The following PCDHA5 variants were observed in gnomAD, a reference collection of about 807,000 sequenced individuals.
PCDHA5 encodes protocadherin alpha 5, also known as protocadherin alpha-5.
In PCDHA5, 43 loss-of-function variants were observed where a neutral mutation model predicts 61.6. The observed-to-expected ratio is 0.70, with a 90% CI of 0.55 to 0.90. The LOEUF (loss-of-function observed/expected upper bound fraction) is 0.90. PCDHA5 is among the 40% of genes least tolerant of loss of function. The pLI is 0.00. For missense variants in PCDHA5, 1,298 were observed against 1,222.7 expected, an observed-to-expected ratio of 1.06 and a Z score of -0.92; for synonymous variants, 627 against 543.9, an observed-to-expected ratio of 1.15 and a Z score of -2.13.
chr5:140,875,039 A>C (rs1443862423), intron 1 of PCDHA5, among the ~76,000 whole-genome samples: 1 of 152,230 alleles, frequency 6.6e-6, no homozygotes, highest in East Asian at 1.9e-4. Flanking sequence ...TATTTGAAAG[A>C]TTTCTACTTT....
At chr5:140,830,563 TTC>T (rs1554132929) in intron 1 of PCDHA5, 10 of 991,784 alleles carry the variant, frequency 1.0e-5, no homozygotes, top group African/African-American at 1.7e-5. Context: ...TCTTCTATAT[TTC>T]TGTTTTTAAT....
intron 1 of PCDHA5, among the ~76,000 whole-genome samples, chr5:140,873,862 T>A (rs188055479): frequency 4.1e-4 from 62 of 152,308 alleles, no homozygotes; most frequent in Admixed American, 1.1e-3. Context: ...GTTTTCACCA[T>A]GTTGGCCAGG....
chr5:140,933,666 T>C (rs1334972770), intron 1 of PCDHA5, among the ~76,000 whole-genome samples: 3 of 152,046 alleles, frequency 2.0e-5, no homozygotes, highest in Non-Finnish European at 4.4e-5. Context: ...TCTCTCTCTG[T>C]CTCTCTCACA....
At chr5:140,999,858 C>G (rs1563644401) in intron 3 of PCDHA5, among the ~76,000 whole-genome samples, 3 of 152,170 alleles carry the variant, frequency 2.0e-5, no homozygotes. Context: ...CTCTTCCGCT[C>G]CAAGATTACT....
rs1554163586 is a variant in PCDHA5, at chr5:140,869,907, C to T, written c.2352+45780C>T. ...TTGTGCTCAAACTAAACGCCACAGA[C>T]CGAGACGAAGGAGTCAATGGAGAGG... is the stretch of plus-strand genomic sequence containing the variant. On this transcript the variant is annotated intron_variant, in intron 1 of 3. Transcript: ENST00000529859. 1.9e-6 allele frequency: 3 copies of T among 1,610,738 alleles called. No individual in the cohort carries two copies. The East Asian group carries it at 6.7e-5, about 36-fold the overall frequency.
intron 1 of PCDHA5, chr5:140,836,166 C>A (rs373780071): frequency 1.9e-6 from 3 of 1,613,826 alleles, no homozygotes; most frequent in South Asian, 1.1e-5. Flanking sequence ...GGCGAAGGTA[C>A]GTGCAGTTGA....
chr5:140,942,237 T>C (rs2153657846), intron 1 of PCDHA5, among the ~76,000 whole-genome samples: 1 of 152,214 alleles, frequency 6.6e-6, no homozygotes, highest in East Asian at 1.9e-4. Context: ...GCAAATAAGA[T>C]ATCCATATCA....
chr5:140,891,748 C>G (rs575198849), intron 1 of PCDHA5, among the ~76,000 whole-genome samples: 2 of 152,242 alleles, frequency 1.3e-5, no homozygotes, highest in African/African-American at 4.8e-5. Flanking sequence ...CCTTATACAA[C>G]AGTGTTGGGA....
chr5:140,871,113 G>C, intron 1 of PCDHA5: 1 of 1,613,306 alleles, frequency 6.2e-7, no homozygotes. Flanking sequence ...CGTTGGTGGA[G>C]AGCGGACAGG....
In PCDHA5 at chr5:140,848,642, G is replaced by T. The variant is rs148369101; in HGVS notation, c.2352+24515G>T. On this transcript the variant is annotated intron_variant, in intron 1 of 3. Coordinates refer to ENST00000529859, the MANE Select transcript of PCDHA5 (RefSeq NM_018908.3). ...ACGGCACCTTCGTGGGCCGCATCGC[G>T]CAGGACCTGGGGCTGGAGCTGGCGG... 1.4e-5 allele frequency: 23 copies of T among 1,593,086 alleles called. 1 individual carries two copies. Among genetic ancestry groups the T allele is most frequent in the Admixed American group, 5.1e-5 (3 of 59,214 alleles).
At chr5:140,876,328 C>A in intron 1 of PCDHA5, 1 of 1,613,940 alleles carries the variant, frequency 6.2e-7, no homozygotes, top group Non-Finnish European at 8.5e-7. Flanking sequence ...AATGATTTTG[C>A]CAGTGAGTGA....
At chr5:141,009,389 G>A (rs1234679148) in intron 3 of PCDHA5, among the ~76,000 whole-genome samples, 1 of 152,178 alleles carries the variant, frequency 6.6e-6, no homozygotes, top group Non-Finnish European at 1.5e-5. Context: ...AGCACAGGAG[G>A]TCGAGGCTGC....
chr5:140,848,469 T>G, intron 1 of PCDHA5: 9 of 1,548,186 alleles, frequency 5.8e-6, no homozygotes, highest in Non-Finnish European at 7.9e-6. Context: ...CAATTTTCAC[T>G]AATTAGAAGA....
At chr5:140,903,351 A>G (rs2070226814) in intron 1 of PCDHA5, among the ~76,000 whole-genome samples, 1 of 152,236 alleles carries the variant, frequency 6.6e-6, no homozygotes, top group Non-Finnish European at 1.5e-5. Context: ...TTTAAAAAAC[A>G]AGTTTTTCAA....
intron 1 of PCDHA5, among the ~76,000 whole-genome samples, chr5:140,845,445 T>A (rs1779878937): frequency 6.7e-6 from 1 of 149,700 alleles, no homozygotes; most frequent in Non-Finnish European, 1.5e-5. Context: ...GTTCTGTTTT[T>A]CTTCAACTCT....
Position 140,842,387 on chromosome 5 carries a change from T to G in PCDHA5, c.2352+18260T>G, listed in dbSNP as rs2150335066. Reference sequence around the variant, plus strand: ...CCCTGAGATAGCACTGACTTCCTTATCCTTGCCTGTACGTGAAGACGCTCA... The same window carrying G: ...CCCTGAGATAGCACTGACTTCCTTAGCCTTGCCTGTACGTGAAGACGCTCA... On this transcript the variant is annotated intron_variant, in intron 1 of 3. Transcript: ENST00000529859. 4.3e-6 allele frequency: 7 copies of G among 1,611,016 alleles called. No individual in the cohort carries two copies. In the East Asian group the frequency reaches 1.6e-4, roughly 36 times the overall value.
chr5:140,984,754 A>G (rs2097118359), intron 3 of PCDHA5, among the ~76,000 whole-genome samples: 1 of 152,158 alleles, frequency 6.6e-6, no homozygotes, highest in Admixed American at 6.5e-5. Context: ...ATTTGAGTTG[A>G]ATTCTAATCC....
intron 1 of PCDHA5, chr5:140,850,398 C>G: frequency 1.9e-6 from 3 of 1,597,938 alleles, no homozygotes; most frequent in Non-Finnish European, 1.7e-6. Context: ...CAGCACAACG[C>G]GTGCCCTGGA....
intron 1 of PCDHA5, among the ~76,000 whole-genome samples, chr5:140,902,590 A>G (rs1266008229): frequency 6.6e-6 from 1 of 151,942 alleles, no homozygotes; most frequent in African/African-American, 2.4e-5. Flanking sequence ...TAGTTTTGGG[A>G]AACAGGTCGT....
Sources: gnomAD v4.1 joint callset for allele counts (sites outside exome capture counted in the v4.1 genomes callset) on GRCh38, gnomAD v4.1.1 for gene constraint, MANE v1.5 for transcripts, NCBI Gene and HGNC (gene_info 2026-07-23, HGNC 2026-07-21) for gene names.